The following SHISA9 variants were observed in gnomAD, a reference collection of about 807,000 sequenced individuals.
SHISA9 encodes protein shisa-9.
Under a neutral mutation model 38.0 loss-of-function variants are expected in SHISA9, and 13 were observed. The observed-to-expected ratio is 0.34, with a 90% CI of 0.22 to 0.54. The LOEUF (loss-of-function observed/expected upper bound fraction) is 0.54, where lower values mean the gene tolerates loss of function less well. Ranked by LOEUF, SHISA9 falls within the 20% of genes least tolerant of loss-of-function variation. SHISA9 has a pLI of 0.91. For missense variants in SHISA9, 538 were observed against 575.8 expected (o/e 0.93, Z 0.67); for synonymous variants, 275 against 242.0 (o/e 1.14, Z -1.27).
chr16:13,076,408 A>C (rs941986606), intron 2 of SHISA9, among the ~76,000 whole-genome samples: 10 of 152,170 alleles, frequency 6.6e-5, no homozygotes, highest in Middle Eastern at 3.2e-3. Flanking sequence ...TTGAGGCACC[A>C]GGGTATAAGG....
chr16:13,050,354 A>T (rs999669587), intron 2 of SHISA9, among the ~76,000 whole-genome samples: 7 of 152,106 alleles, frequency 4.6e-5, no homozygotes, highest in Non-Finnish European at 8.8e-5. Context: ...ATGAAATTAA[A>T]TGGGTCTGGC....
chr16:13,250,519 C>A, the SHISA9 span, among the ~76,000 whole-genome samples: 1 of 152,142 alleles, frequency 6.6e-6, no homozygotes, highest in African/African-American at 2.4e-5. Flanking sequence ...TTCCCTTATC[C>A]ATATGATATA....
chr16:12,953,669 T>C (rs1194954022), intron 2 of SHISA9, among the ~76,000 whole-genome samples: 1 of 152,056 alleles, frequency 6.6e-6, no homozygotes, highest in Non-Finnish European at 1.5e-5. Context: ...TTAGATAAGA[T>C]ATTGTGTCAG....
intron 2 of SHISA9, among the ~76,000 whole-genome samples, chr16:13,128,614 C>T (rs568231197): frequency 2.5e-4 from 38 of 152,250 alleles, no homozygotes; most frequent in Non-Finnish European, 2.9e-4. Flanking sequence ...AGAATTAGGT[C>T]AGTGTTAGTT....
intron 2 of SHISA9, among the ~76,000 whole-genome samples, chr16:12,984,947 C>A (rs1354092): frequency 0.1 from 15,833 of 152,082 alleles, 1,216 homozygotes; most frequent in African/African-American, 0.21. Flanking sequence ...CCAGAGCTCC[C>A]GACGGGATTA....
At chr16:13,434,419 G>GTTTTTTTTTTTTTTGTTT in the SHISA9 span, among the ~76,000 whole-genome samples, 3 of 64,566 alleles carry the variant, frequency 4.6e-5, no homozygotes, top group Non-Finnish European at 9.6e-5. Context: ...GACAAGCTAT[G>GTTTTTTTTTTTTTTGTTT]TTTTTTTTTT....
intron 2 of SHISA9, among the ~76,000 whole-genome samples, chr16:13,199,823 A>G (rs1437685893): frequency 6.6e-6 from 1 of 152,158 alleles, no homozygotes; most frequent in African/African-American, 2.4e-5. Context: ...GCTCGCTTCC[A>G]TGGCCAGGGG....
At chr16:13,121,836 C>CAG (rs1363814913) in intron 2 of SHISA9, among the ~76,000 whole-genome samples, 1 of 32,632 alleles carries the variant, frequency 3.1e-5, no homozygotes, top group Non-Finnish European at 4.9e-5. Context: ...CACACATACA[C>CAG]ACACACACAC....
At chr16:13,126,923 G>C (rs1286134646) in intron 2 of SHISA9, among the ~76,000 whole-genome samples, 4 of 137,700 alleles carry the variant, frequency 2.9e-5, no homozygotes, top group Non-Finnish European at 4.7e-5. Context: ...AGAGACTGAG[G>C]GAAGGAGAGA....
the SHISA9 span, among the ~76,000 whole-genome samples, chr16:13,415,003 GGATTGGCTATA>G: frequency 6.6e-6 from 1 of 152,260 alleles, no homozygotes; most frequent in East Asian, 1.9e-4. Flanking sequence ...AGAAACAACT[GGATTGGCTATA>G]GCTCACTGTT....
chr16:13,027,739 C>T (rs916999035), intron 2 of SHISA9, among the ~76,000 whole-genome samples: 3 of 151,710 alleles, frequency 2.0e-5, no homozygotes, highest in African/African-American at 2.4e-5. Flanking sequence ...CCAGCCTGGC[C>T]GACATGGTGA....
intron 2 of SHISA9, among the ~76,000 whole-genome samples, chr16:13,006,821 T>C (rs962239277): frequency 3.9e-5 from 6 of 152,178 alleles, no homozygotes; most frequent in South Asian, 2.1e-4. Flanking sequence ...CTCTGATCAC[T>C]GAAGCTCATC....
chr16:13,311,695 A>G, the SHISA9 span, among the ~76,000 whole-genome samples: 1 of 152,106 alleles, frequency 6.6e-6, no homozygotes, highest in Non-Finnish European at 1.5e-5. Flanking sequence ...ATAAATGGAG[A>G]TTGTTCTCGT....
chr16:13,277,293 T>C, the SHISA9 span, among the ~76,000 whole-genome samples: 2 of 152,160 alleles, frequency 1.3e-5, no homozygotes, highest in African/African-American at 2.4e-5. Flanking sequence ...TCTATACCAG[T>C]ACCATGCTGT....
chr16:13,539,517 A>G, the SHISA9 span, among the ~76,000 whole-genome samples: 1 of 151,592 alleles, frequency 6.6e-6, no homozygotes, highest in Non-Finnish European at 1.5e-5. Context: ...GTCATGTGAT[A>G]AGTCTCAGCA....
chr16:13,124,504 G>A (rs1455464711), intron 2 of SHISA9, among the ~76,000 whole-genome samples: 1 of 152,104 alleles, frequency 6.6e-6, no homozygotes, highest in Non-Finnish European at 1.5e-5. Flanking sequence ...GGGAATGCTG[G>A]GATCAGACAG....
the SHISA9 span, among the ~76,000 whole-genome samples, chr16:13,364,061 G>A: frequency 6.6e-6 from 1 of 152,260 alleles, no homozygotes; most frequent in East Asian, 1.9e-4. Flanking sequence ...AAGAAACAAC[G>A]AGAAAACAAA....
intron 2 of SHISA9, among the ~76,000 whole-genome samples, chr16:13,041,897 T>G (rs1596606326): frequency 6.6e-6 from 1 of 152,220 alleles, no homozygotes; most frequent in African/African-American, 2.4e-5. Flanking sequence ...ATAAGAAGAA[T>G]ATTTAGCACA....
chr16:13,416,743 AAAGG>A, the SHISA9 span, among the ~76,000 whole-genome samples: 19,461 of 113,208 alleles, frequency 0.17, 1,873 homozygotes, highest in South Asian at 0.37. Context: ...AGAAAGAAAG[AAAGG>A]AAGGAAGGAA....
Sources: allele counts gnomAD v4.1 joint callset (sites outside exome capture counted in the v4.1 genomes callset), GRCh38; gene constraint gnomAD v4.1.1; transcripts MANE v1.5; gene names NCBI Gene and HGNC (gene_info 2026-07-23, HGNC 2026-07-21).